The following C19orf47 variants were observed in gnomAD, a reference collection of about 807,000 sequenced individuals.
C19orf47 encodes the protein uncharacterized protein C19orf47.
A neutral mutation model predicts 32.3 loss-of-function variants in C19orf47; 18 were observed. The ratio of observed to expected loss-of-function variants is 0.56; its 90% confidence interval spans 0.39 to 0.83. The LOEUF is 0.83. C19orf47 is among the 40% of genes least tolerant of loss of function. The pLI, the probability that C19orf47 is intolerant of heterozygous loss-of-function variation, is 0.00. For missense variants in C19orf47, 484 were observed against 531.6 expected (o/e 0.91, Z 0.88); for synonymous variants, 202 against 211.1 (o/e 0.96, Z 0.37).
At chr19:40,314,291 C>T in the C19orf47 span, among the ~76,000 whole-genome samples, 6 of 151,972 alleles carry the variant, frequency 3.9e-5, no homozygotes, top group African/African-American at 7.2e-5. Context: ...AGCCAGGCAT[C>T]GTGGCATGTG....
chr19:40,330,449 T>A (rs1277229697), intron 5 of C19orf47, among the ~76,000 whole-genome samples: 1 of 151,834 alleles, frequency 6.6e-6, no homozygotes, highest in African/African-American at 2.4e-5. Flanking sequence ...GCCAGGATGG[T>A]CTCGATCTCT....
chr19:40,311,646 G>A, the C19orf47 span, among the ~76,000 whole-genome samples: 1 of 152,076 alleles, frequency 6.6e-6, no homozygotes, highest in Admixed American at 6.6e-5. Context: ...TCAGGTGGCG[G>A]AGTCCCTCAC....
At chr19:40,316,327 G>C (rs932362187), downstream of C19orf47, among the ~76,000 whole-genome samples, 1 of 152,172 alleles carries the variant, frequency 6.6e-6, no homozygotes, top group Non-Finnish European at 1.5e-5. Flanking sequence ...GTGTCCAGAG[G>C]TGGCCTTGTC....
In C19orf47 at chr19:40,324,020, T is replaced by C. The variant is rs1410758754; in HGVS notation, c.649A>G (p.Thr217Ala). ...RLGAETKADTTTGSKPTGVFS... is the reference protein window; with the variant it reads ...RLGAETKADTATGSKPTGVFS... ...TCCCCACTCACTTTACTCCCTGTCG[T>C]GGTGTCTGCCTTGGTCTCGGCGCCG... is the stretch of plus-strand genomic sequence containing the variant. Residue 217 changes from threonine to alanine, a missense_variant, in exon 8 of 9, where the codon ACG becomes GCG. Around this residue, in one of 3 missense-constraint regions of C19orf47, gnomAD observed 376 missense variants for 370.2 expected, o/e 1.02. Transcript: ENST00000683109. 5 of 1,614,204 alleles carry C rather than the reference T, an allele frequency of 3.1e-6. No homozygotes were observed. The highest frequency in any genetic ancestry group is 1.3e-5 in the African/African-American group (1 of 75,060).
At chr19:40,311,990 T>C in the C19orf47 span, among the ~76,000 whole-genome samples, 1 of 152,320 alleles carries the variant, frequency 6.6e-6, no homozygotes, top group East Asian at 1.9e-4. Context: ...TTTTAGTTTA[T>C]TCATATTGAT....
At chr19:40,315,684 G>A (rs931284374), downstream of C19orf47, among the ~76,000 whole-genome samples, 1 of 151,958 alleles carries the variant, frequency 6.6e-6, no homozygotes, top group Non-Finnish European at 1.5e-5. Flanking sequence ...GGAGGCTGAG[G>A]CAGGAGAATT....
chr19:40,326,258 G>A, intron 7 of C19orf47, 76 bp downstream of exon 7: 3 of 1,573,746 alleles, frequency 1.9e-6, no homozygotes, highest in Non-Finnish European at 2.6e-6. Flanking sequence ...CCGTCTGTAG[G>A]ATATGACGGG....
chr19:40,316,232 C>T (rs984413140), downstream of C19orf47, among the ~76,000 whole-genome samples: 5 of 152,178 alleles, frequency 3.3e-5, no homozygotes, highest in Non-Finnish European at 7.3e-5. Context: ...CTGAGGCTGG[C>T]CCAGGCCTTG....
chr19:40,316,946 CTGTG>C (rs532127400), downstream of C19orf47, among the ~76,000 whole-genome samples: 2 of 126,390 alleles, frequency 1.6e-5, no homozygotes, highest in Non-Finnish European at 3.6e-5. Flanking sequence ...TGCTCCTCTG[CTGTG>C]TGTGTGTGTG....
Position 40,328,430 on chromosome 19 carries a change from T to C in C19orf47, c.422A>G (p.Lys141Arg), listed in dbSNP as rs1413168687. 4 of 1,613,012 alleles carry C rather than the reference T, an allele frequency of 2.5e-6. No individual in the cohort carries two copies. Among genetic ancestry groups the C allele is most frequent in the Non-Finnish European group, 3.4e-6 (4 of 1,179,508 alleles). Residue 141 changes from lysine to arginine, a missense_variant, in exon 6 of 9, where the codon AAG becomes AGG. Coordinates refer to ENST00000683109, the MANE Select transcript of C19orf47 (RefSeq NM_001256441.2). Reference sequence around the variant, plus strand: ...TCCCTCACCAGTGGCCTTGGCACTCTTTGCTGCCATCTTGTTGGACACAGT... The same window carrying C: ...TCCCTCACCAGTGGCCTTGGCACTCCTTGCTGCCATCTTGTTGGACACAGT... ...SVTVSNKMAA[K>R]SAKATAALAR...
chr19:40,299,591 A>G, the C19orf47 span: 1 of 152,196 alleles, frequency 6.6e-6, no homozygotes, highest in East Asian at 1.9e-4. Flanking sequence ...GCACTCATCA[A>G]GTGTTTTAAA....
At chr19:40,315,662 C>A (rs1028551424), downstream of C19orf47, among the ~76,000 whole-genome samples, 246 of 152,196 alleles carry the variant, frequency 1.6e-3, no homozygotes, top group Admixed American at 4.3e-3. Flanking sequence ...TGCCTGTAAT[C>A]CCAGCCACTC....
chr19:40,343,914 G>A (rs986530971), intron 1 of C19orf47: 2 of 151,454 alleles, frequency 1.3e-5, no homozygotes, highest in Admixed American at 6.6e-5. Flanking sequence ...TCCTGCCTCA[G>A]CCTCCCGAGC....
At chr19:40,300,521 A>G in the C19orf47 span, among the ~76,000 whole-genome samples, 3 of 152,196 alleles carry the variant, frequency 2.0e-5, no homozygotes, top group Non-Finnish European at 2.9e-5. Flanking sequence ...TCTAAAAATT[A>G]TGAGATTCCT....
the C19orf47 span, among the ~76,000 whole-genome samples, chr19:40,295,535 A>G: frequency 6.6e-6 from 1 of 151,532 alleles, no homozygotes; most frequent in African/African-American, 2.4e-5. Flanking sequence ...CCCAGGTTCA[A>G]GCGATTCTCC....
Position 40,324,118 on chromosome 19 carries a change from C to T in C19orf47, c.593-42G>A, listed in dbSNP as rs867200152. The T allele has an allele frequency of 1.9e-6, 3 of 1,603,678 alleles. No individual in the cohort carries two copies. The Middle Eastern group carries it at 5.0e-4, about 265-fold the overall frequency. On this transcript the variant is annotated intron_variant, in intron 7 of 8. Transcript: ENST00000683109. The stretch of plus-strand genomic sequence containing the variant: ...GCCATCAGGGAGAGGCCCCGGTGGG[C>T]CAGGCCTAGGCTGAGCTCTGTACAG...
At chr19:40,343,174 C>G (rs1275965788) in intron 1 of C19orf47, among the ~76,000 whole-genome samples, 1 of 152,170 alleles carries the variant, frequency 6.6e-6, no homozygotes, top group South Asian at 2.1e-4. Flanking sequence ...CTGCCCTCTT[C>G]CCTCACTCTG....
At position 40,326,471 on chromosome 19, in the gene C19orf47, C is replaced by T. The variant is rs746157553; in HGVS notation, c.455G>A (p.Arg152Gln). ...SAKATAALAR[R>Q]EEESLAVPAK... ...AGGAACAGCCAGGCTCTCCTCCTCC[C>T]GGCGGGCCAGGGCTGCTGGGGGAAG... is the stretch of plus-strand genomic sequence containing the variant. Residue 152 changes from arginine to glutamine, a missense_variant, in exon 7 of 9, where the codon CGG becomes CAG. Physicochemically the swap from Arg to Gln is conservative, Grantham distance 43. Coordinates refer to ENST00000683109, the MANE Select transcript of C19orf47 (RefSeq NM_001256441.2). The T allele has an allele frequency of 1.7e-5, 27 of 1,613,640 alleles. No homozygotes were observed. The highest frequency in any genetic ancestry group is 1.6e-4 in the Middle Eastern group (1 of 6,062).
the C19orf47 span, among the ~76,000 whole-genome samples, chr19:40,296,320 C>T: frequency 9.3e-4 from 141 of 151,968 alleles, no homozygotes; most frequent in African/African-American, 3.2e-3. Flanking sequence ...TTTGCTCTGT[C>T]GCCCAGGCTG....
Sources: allele counts gnomAD v4.1 joint callset (sites outside exome capture counted in the v4.1 genomes callset), GRCh38; gene constraint gnomAD v4.1.1; regional missense constraint gnomAD v4.1.1; transcripts MANE v1.5; gene names NCBI Gene and HGNC (gene_info 2026-07-23, HGNC 2026-07-21).